The following DPH6 variants were observed in gnomAD, a reference collection of about 807,000 sequenced individuals.
DPH6 encodes the protein diphthamine biosynthesis 6.
DPH6 carries 33 observed loss-of-function variants against 38.2 expected under a neutral mutation model. The observed-to-expected ratio is 0.86, with a 90% confidence interval of 0.65 to 1.15. The LOEUF is 1.15. DPH6 is among the 50% of genes most tolerant of loss of function. The pLI, the probability that DPH6 is intolerant of heterozygous loss-of-function variation, is 0.00. For missense variants in DPH6, 325 were observed against 320.0 expected (o/e 1.02, Z -0.12); for synonymous variants, 108 against 103.0 (o/e 1.05, Z -0.30).
chr15:35,300,778 T>C (rs1407201047), intron 3 of DPH6, among the ~76,000 whole-genome samples: 1 of 152,196 alleles, frequency 6.6e-6, no homozygotes, highest in East Asian at 1.9e-4. Context: ...TTTGCAACAT[T>C]TGAGAACTAA....
chr15:35,181,184 T>C, the DPH6 span, among the ~76,000 whole-genome samples: 31,964 of 151,404 alleles, frequency 0.21, 4,280 homozygotes, highest in East Asian at 0.67. Context: ...AAAATAATAA[T>C]AACATTTTGT....
chr15:35,321,439 C>G (rs762493121), intron 3 of DPH6, among the ~76,000 whole-genome samples: 2 of 152,112 alleles, frequency 1.3e-5, no homozygotes, highest in Admixed American at 6.5e-5. Context: ...CAAAAACAAG[C>G]AAAACTAATA....
At position 35,341,150 on chromosome 15, in the gene DPH6, T is replaced by C. The variant is rs143773614; in HGVS notation, n.208-10073A>G. On this transcript the variant is annotated intron_variant and non_coding_transcript_variant, in intron 3 of 3. Transcript: ENST00000558973. ...GTCTTCAAACTCTGAGATTCTTTCC[T>C]CCGCTCAGTCTATTCTGCTATTGAT... is the stretch of plus-strand genomic sequence containing the variant. Among the ~76,000 whole-genome samples the C allele has an allele frequency of 2.0e-3, 305 of 152,304 alleles. 1 individual carries two copies. Among genetic ancestry groups the C allele is most frequent in the African/African-American group, 6.8e-3 (283 of 41,574 alleles).
intron 3 of DPH6, among the ~76,000 whole-genome samples, chr15:35,354,866 T>C (rs1039026660): frequency 6.6e-6 from 1 of 152,142 alleles, no homozygotes; most frequent in African/African-American, 2.4e-5. Flanking sequence ...TGTTGATCTG[T>C]CTAATATTGA....
chr15:35,512,190 TTAAAC>T (rs2054783902), intron 3 of DPH6, among the ~76,000 whole-genome samples: 1 of 152,106 alleles, frequency 6.6e-6, no homozygotes, highest in South Asian at 2.1e-4. Flanking sequence ...CCCAAAATGA[TTAAAC>T]TACTTTTACT....
At chr15:35,145,983 CCCA>C in the DPH6 span, among the ~76,000 whole-genome samples, 19 of 152,004 alleles carry the variant, frequency 1.2e-4, no homozygotes, top group Non-Finnish European at 2.2e-4. Flanking sequence ...TAGTTGCATA[CCCA>C]AATAAACAAA....
At chr15:35,214,007 G>A (rs1017109500), downstream of DPH6, among the ~76,000 whole-genome samples, 3 of 152,108 alleles carry the variant, frequency 2.0e-5, no homozygotes, top group East Asian at 1.9e-4. Context: ...AGCTACTCGC[G>A]AGGCTGAGGC....
intron 3 of DPH6, among the ~76,000 whole-genome samples, chr15:35,491,885 T>C (rs190296547): frequency 1.3e-5 from 2 of 151,352 alleles, no homozygotes; most frequent in East Asian, 3.9e-4. Context: ...TATATACACG[T>C]ACATATATAT....
downstream of DPH6, among the ~76,000 whole-genome samples, chr15:35,216,956 A>G (rs975869416): frequency 7.9e-5 from 12 of 152,208 alleles, no homozygotes; most frequent in Non-Finnish European, 1.6e-4. Context: ...GAAAGGACCT[A>G]GGCTGACTCA....
intron 3 of DPH6, among the ~76,000 whole-genome samples, chr15:35,242,351 C>T (rs1349589160): frequency 7.0e-6 from 1 of 142,298 alleles, no homozygotes; most frequent in African/African-American, 2.6e-5. Context: ...GAGCCAGGAC[C>T]GCACCCTATA....
the DPH6 span, among the ~76,000 whole-genome samples, chr15:35,152,569 C>T: frequency 9.2e-5 from 14 of 151,942 alleles, no homozygotes; most frequent in African/African-American, 1.9e-4. Context: ...GTGCGATCTC[C>T]GTTCACTGCA....
At chr15:35,179,219 A>G in the DPH6 span, among the ~76,000 whole-genome samples, 20 of 151,310 alleles carry the variant, frequency 1.3e-4, no homozygotes, top group African/African-American at 1.9e-4. Context: ...AAAAAAAAAA[A>G]AAAAAAAAGA....
chr15:35,426,638 T>C (rs1313086614), intron 5 of DPH6, among the ~76,000 whole-genome samples: 1 of 151,756 alleles, frequency 6.6e-6, no homozygotes, highest in Admixed American at 6.6e-5. Flanking sequence ...TTCAAGCTCA[T>C]GTTCTAATTG....
intron 3 of DPH6, among the ~76,000 whole-genome samples, chr15:35,472,391 G>C (rs2054209422): frequency 6.6e-6 from 1 of 152,136 alleles, no homozygotes; most frequent in Non-Finnish European, 1.5e-5. Flanking sequence ...ATAGGAGCTG[G>C]AGAAAGTGGC....
chr15:35,241,975 C>T (rs1255156767), intron 3 of DPH6, among the ~76,000 whole-genome samples: 1 of 144,180 alleles, frequency 6.9e-6, no homozygotes, highest in African/African-American at 2.5e-5. Flanking sequence ...ATATACTCTC[C>T]TATCCTCAAT....
At chr15:35,342,112 G>A (rs1385109819) in intron 3 of DPH6, among the ~76,000 whole-genome samples, 1 of 152,136 alleles carries the variant, frequency 6.6e-6, no homozygotes, top group East Asian at 1.9e-4. Flanking sequence ...GTGGAAGTGG[G>A]GCCCTCAGAA....
In DPH6 at chr15:35,282,846, T is replaced by G. The variant is rs571531208; in HGVS notation, n.201-62264A>C. The stretch of plus-strand genomic sequence containing the variant: ...ACGCCAGCTGCATCATCAGCCTGGT[T>G]GTGGGCCAGCTTAAGGTGGATGAAG... On this transcript the variant is annotated intron_variant and non_coding_transcript_variant, in intron 3 of 3. Coordinates refer to the DPH6 transcript ENST00000560386. The G allele has an allele frequency of 3.5e-5, 12 of 342,394 alleles. 1 individual carries two copies. The highest frequency in any genetic ancestry group is 2.7e-4 in the South Asian group (9 of 33,046). The allele number at this position is 342,394 out of a possible 1,614,324, so 21.2% of individuals were successfully genotyped here.
rs533100030 is a variant in DPH6 at position 35,519,646 on chromosome 15, A to C, written c.312+18628T>G. 234 of 152,532 alleles carry C rather than the reference A, an allele frequency of 1.5e-3. 1 individual carries two copies. Among genetic ancestry groups the C allele is most frequent in the African/African-American group, 5.4e-3 (224 of 41,562 alleles). The allele number at this position is 152,532 out of a possible 1,614,324, so 9.4% of individuals were successfully genotyped here. ...AAAGGGGTCTCTTGTTTGAACAAAAATTAAATTTAAATGTCCTGTTTCTTA... is the reference window on the plus strand; with the variant it reads ...AAAGGGGTCTCTTGTTTGAACAAAACTTAAATTTAAATGTCCTGTTTCTTA... On this transcript the variant is annotated intron_variant, in intron 3 of 8. Transcript: ENST00000256538.
intron 5 of DPH6, among the ~76,000 whole-genome samples, chr15:35,442,352 G>T (rs1309722695): frequency 1.3e-5 from 2 of 152,140 alleles, no homozygotes; most frequent in Non-Finnish European, 2.9e-5. Context: ...CACCATGATA[G>T]CTATAAGAAA....
Sources: allele counts gnomAD v4.1 joint callset (sites outside exome capture counted in the v4.1 genomes callset), GRCh38; gene constraint gnomAD v4.1.1; transcripts MANE v1.5; gene names NCBI Gene and HGNC (gene_info 2026-07-23, HGNC 2026-07-21).